EPN2: variants seen among roughly 807,000 people sequenced by gnomAD.
EPN2 encodes the protein epsin-2.
In EPN2, 34 loss-of-function variants were observed where a neutral mutation model predicts 61.7. That is an observed-to-expected ratio of 0.55 (90% confidence interval 0.42 to 0.73). The LOEUF (loss-of-function observed/expected upper bound fraction) is 0.73, where lower values mean the gene tolerates loss of function less well. Ranked by LOEUF, EPN2 falls within the 30% of genes least tolerant of loss-of-function variation. The pLI, the probability that EPN2 is intolerant of heterozygous loss-of-function variation, is 0.00. For missense variants in EPN2, 714 were observed against 839.2 expected (o/e 0.85, Z 1.84); for synonymous variants, 349 against 353.6 (o/e 0.99, Z 0.15).
chr17:19,299,571 A>T (rs1905369224), intron 4 of EPN2, among the ~76,000 whole-genome samples: 1 of 152,264 alleles, frequency 6.6e-6, no homozygotes, highest in Admixed American at 6.5e-5. Context: ...GACAGTGAGA[A>T]AAAGCTGCTT....
At chr17:19,242,504 T>C (rs1365762324) in intron 1 of EPN2, among the ~76,000 whole-genome samples, 1 of 152,226 alleles carries the variant, frequency 6.6e-6, no homozygotes, top group African/African-American at 2.4e-5. Context: ...ATGCATTGGA[T>C]TCTTTCTGTG....
At chr17:19,309,388 C>T (rs1906009130) in intron 4 of EPN2, among the ~76,000 whole-genome samples, 1 of 152,226 alleles carries the variant, frequency 6.6e-6, no homozygotes, top group Non-Finnish European at 1.5e-5. Context: ...CTCGGCCTCC[C>T]AAAGTGTGAG....
At chr17:19,239,162 A>G (rs1415996403) in intron 1 of EPN2, among the ~76,000 whole-genome samples, 1 of 152,082 alleles carries the variant, frequency 6.6e-6, no homozygotes, top group Non-Finnish European at 1.5e-5. Flanking sequence ...TTATTTATTT[A>G]TTTTTTTGAG....
intron 4 of EPN2, chr17:19,308,321 G>A (rs576868694): frequency 6.1e-4 from 576 of 949,508 alleles, no homozygotes; most frequent in Non-Finnish European, 6.8e-4. Flanking sequence ...TGATCCGCCC[G>A]TCTCAGCCTC....
intron 1 of EPN2, among the ~76,000 whole-genome samples, chr17:19,255,696 C>G (rs1444711272): frequency 6.6e-6 from 1 of 151,182 alleles, no homozygotes; most frequent in African/African-American, 2.4e-5. Context: ...ACTCATAGCT[C>G]ACTGTAGCCT....
At chr17:19,251,234 T>A (rs948012274) in intron 1 of EPN2, among the ~76,000 whole-genome samples, 2 of 152,218 alleles carry the variant, frequency 1.3e-5, no homozygotes, top group African/African-American at 4.8e-5. Context: ...ACTCCTGCCC[T>A]ACCTCTAGTT....
At chr17:19,299,713 C>A (rs1567859878) in intron 4 of EPN2, among the ~76,000 whole-genome samples, 1 of 152,196 alleles carries the variant, frequency 6.6e-6, no homozygotes, top group Admixed American at 6.5e-5. Context: ...TTGACTCATG[C>A]AGACAAATGA....
intron 1 of EPN2, among the ~76,000 whole-genome samples, chr17:19,260,488 C>T (rs1567845528): frequency 6.6e-6 from 1 of 152,126 alleles, no homozygotes; most frequent in Non-Finnish European, 1.5e-5. Flanking sequence ...GGCTCTTACA[C>T]GGGTTGGTGG....
chr17:19,320,741 A>G (rs1479481724), intron 7 of EPN2, among the ~76,000 whole-genome samples: 2 of 152,170 alleles, frequency 1.3e-5, no homozygotes, highest in Non-Finnish European at 2.9e-5. Context: ...GATAATCAGG[A>G]TGGAGATTAT....
chr17:19,331,757 C>T (rs548781329), intron 9 of EPN2, 96 bp from the exon 10 acceptor site: 1 of 1,040,538 alleles, frequency 9.6e-7, no homozygotes, highest in Non-Finnish European at 1.5e-6. Context: ...CGCTGTCAGG[C>T]AGGCATGTCC....
At chr17:19,292,525 A>T (rs1186608068) in intron 4 of EPN2, among the ~76,000 whole-genome samples, 1 of 152,260 alleles carries the variant, frequency 6.6e-6, no homozygotes, top group Non-Finnish European at 1.5e-5. Flanking sequence ...AGCTTACTCT[A>T]GAGAGAGTTA....
chr17:19,307,698 C>T (rs1905918193), intron 4 of EPN2, among the ~76,000 whole-genome samples: 1 of 152,186 alleles, frequency 6.6e-6, no homozygotes, highest in Admixed American at 6.5e-5. Flanking sequence ...AATTTCATGA[C>T]AGGGTGATGC....
chr17:19,262,264 A>G (rs1367420008), intron 1 of EPN2, among the ~76,000 whole-genome samples: 1 of 152,136 alleles, frequency 6.6e-6, no homozygotes, highest in Non-Finnish European at 1.5e-5. Flanking sequence ...GGACCACCTG[A>G]GGTCGGGAGT....
At chr17:19,312,436 C>T (rs543720870) in intron 6 of EPN2, among the ~76,000 whole-genome samples, 2 of 152,250 alleles carry the variant, frequency 1.3e-5, no homozygotes, top group Non-Finnish European at 2.9e-5. Context: ...AAGTGAGCTA[C>T]ATGCCAGGGG....
intron 1 of EPN2, among the ~76,000 whole-genome samples, chr17:19,262,537 A>C (rs970610654): frequency 2.6e-5 from 4 of 152,246 alleles, no homozygotes; most frequent in African/African-American, 9.6e-5. Flanking sequence ...TTTATTTGCC[A>C]TGCAATAAAG....
At chr17:19,269,263 G>A (rs1316313586) in intron 1 of EPN2, among the ~76,000 whole-genome samples, 1 of 152,204 alleles carries the variant, frequency 6.6e-6, no homozygotes, top group African/African-American at 2.4e-5. Flanking sequence ...TCCAGTCAGT[G>A]TTGCACAGTA....
chr17:19,312,133 A>G lies in EPN2; in HGVS notation c.961A>G (p.Lys321Glu), dbSNP rs537446192. ...CCGAAGGGACACAGTTAAAATTCCA[A>G]AAAAGAAAGAGGTAAGAGCTTGCTG... ...ESRRDTVKIP[K>E]KKEHGSLPQQ... The change falls in exon 6 of 11, where the codon AAA (lysine) becomes GAA (glutamate). Residue 321 changes from lysine (K) to glutamate (E), a missense_variant. Lys to Glu is a moderately conservative substitution (Grantham distance 56). Coordinates refer to ENST00000314728, the MANE Select transcript of EPN2 (RefSeq NM_014964.5). 9.3e-6 allele frequency: 15 copies of G among 1,613,440 alleles called. No homozygotes were observed. The African/African-American group carries it at 1.9e-4, about 20-fold the overall frequency.
Position 19,290,887 on chromosome 17 carries a change from C to T in EPN2, c.766+5097C>T, listed in dbSNP as rs569327124. On this transcript the variant is annotated intron_variant, in intron 4 of 10. Coordinates refer to ENST00000314728, the MANE Select transcript of EPN2 (RefSeq NM_014964.5). ...GGTCTTCTTGGCTCTCCTCATGGCCCCTCCTGTCTTGCTGACGCCGCTGGC... is the reference window on the plus strand; with the variant it reads ...GGTCTTCTTGGCTCTCCTCATGGCCTCTCCTGTCTTGCTGACGCCGCTGGC... 8.5e-5 allele frequency among the ~76,000 whole-genome samples: 13 copies of T among 152,196 alleles called. No homozygotes were observed. The South Asian group carries it at 2.7e-3, about 32-fold the overall frequency.
chr17:19,283,417 A>T lies in EPN2; in HGVS notation c.298A>T (p.Ile100Phe), dbSNP rs752850441. The T allele has an allele frequency of 6.2e-7, 1 of 1,614,210 alleles. No individual in the cohort carries two copies. The highest frequency in any genetic ancestry group is 1.1e-5 in the South Asian group (1 of 91,088). Residue 100 changes from isoleucine (I) to phenylalanine (F), a missense_variant, in exon 3 of 11, where the codon ATC (isoleucine) becomes TTC (phenylalanine). Ile to Phe is a conservative substitution (Grantham distance 21). This residue lies in a region of EPN2 where 304 missense variants were observed against 417.4 expected (regional missense o/e 0.73). Transcript: ENST00000314728. This position sits in a 1 kb window ranked among gnomAD's most constrained non-coding sequence, Gnocchi z 7.0. Reference sequence around the variant, plus strand: ...TGTGGCCCAGCAGTGCCGGGAGAACATCTTCGCCATCCAGACCCTGAAGGA... The same window carrying T: ...TGTGGCCCAGCAGTGCCGGGAGAACTTCTTCGCCATCCAGACCCTGAAGGA... ...ERVAQQCREN[I>F]FAIQTLKDFQ... is the part of the protein sequence containing the mutation.
Sources: gnomAD v4.1 joint callset for allele counts (sites outside exome capture counted in the v4.1 genomes callset) on GRCh38, gnomAD v4.1.1 for gene constraint, gnomAD v4.1.1 regional missense constraint, Gnocchi (gnomAD v3.1) non-coding constraint, MANE v1.5 for transcripts, NCBI Gene and HGNC (gene_info 2026-07-23, HGNC 2026-07-21) for gene names.